Variants in CLVS1 observed in about 807,000 individuals in gnomAD.
CLVS1 encodes clavesin-1.
A neutral mutation model predicts 33.1 loss-of-function variants in CLVS1; 10 were observed. That is an observed-to-expected ratio of 0.30 (90% CI 0.19 to 0.51). The LOEUF is 0.51. Among genes scored for constraint, CLVS1 ranks in the 20% least tolerant of loss-of-function variants. The probability of loss-of-function intolerance (pLI) is 0.97; values close to 1 mark genes in which losing one functional copy is unlikely to be tolerated. For synonymous variants in CLVS1, 163 were observed against 166.1 expected (o/e 0.98, Z 0.14); for missense variants, 343 against 433.4 (o/e 0.79, Z 1.85).
intron 3 of CLVS1, among the ~76,000 whole-genome samples, chr8:61,384,733 T>C (rs1814015881): frequency 6.6e-6 from 1 of 152,154 alleles, no homozygotes; most frequent in African/African-American, 2.4e-5. Flanking sequence ...GATGGATCCA[T>C]AGATTTGGTG....
chr8:61,297,434 T>C (rs1271851435), intron 1 of CLVS1, among the ~76,000 whole-genome samples: 1 of 152,166 alleles, frequency 6.6e-6, no homozygotes, highest in Non-Finnish European at 1.5e-5. Context: ...AGTGATTGCC[T>C]GATAGTGGGC....
the CLVS1 span, among the ~76,000 whole-genome samples, chr8:60,967,249 T>TA: frequency 6.6e-6 from 1 of 151,802 alleles, no homozygotes; most frequent in Non-Finnish European, 1.5e-5. Context: ...GATTGGAACT[T>TA]ACATATGAAA....
chr8:61,193,383 G>A (rs923560955), intron 2 of CLVS1, among the ~76,000 whole-genome samples: 1 of 152,026 alleles, frequency 6.6e-6, no homozygotes, highest in Non-Finnish European at 1.5e-5. Context: ...GGCGGGGAGA[G>A]GGGGAGGGAT....
the CLVS1 span, among the ~76,000 whole-genome samples, chr8:61,003,037 T>C: frequency 6.6e-6 from 1 of 151,230 alleles, no homozygotes; most frequent in Non-Finnish European, 1.5e-5. Context: ...TCTCTGCAGC[T>C]CAGAGGTACA....
chr8:61,200,466 C>T (rs1314332482), intron 2 of CLVS1, among the ~76,000 whole-genome samples: 1 of 152,240 alleles, frequency 6.6e-6, no homozygotes, highest in African/African-American at 2.4e-5. Context: ...GTTCCATATG[C>T]AGGTGGTATC....
At chr8:61,124,154 C>A (rs1192334437) in intron 1 of CLVS1, among the ~76,000 whole-genome samples, 1 of 152,162 alleles carries the variant, frequency 6.6e-6, no homozygotes, top group East Asian at 1.9e-4. Flanking sequence ...GATCACTGTT[C>A]CTGTGTGATT....
upstream of CLVS1, among the ~76,000 whole-genome samples, chr8:61,285,473 C>A (rs560397650): frequency 9.9e-5 from 15 of 152,204 alleles, no homozygotes; most frequent in African/African-American, 3.1e-4. Flanking sequence ...CACATGGAAG[C>A]TGCCTACATA....
intron 3 of CLVS1, among the ~76,000 whole-genome samples, chr8:61,449,987 C>T (rs1050313071): frequency 3.3e-5 from 5 of 152,144 alleles, no homozygotes; most frequent in Non-Finnish European, 4.4e-5. Context: ...ACACTTGGGA[C>T]CTTCAGTTAC....
rs1818085840 is a variant in CLVS1, at chr8:61,479,279, TC to T, written c.978-20175del. ...ATACTTCTTGGAGGCTTTGTTCATT[TC>T]TTTTTTTATTCTTTTTTCTCTAAAC... is the stretch of plus-strand genomic sequence containing the variant. On this transcript the variant is annotated intron_variant, in intron 5 of 5. Coordinates refer to ENST00000325897, the MANE Select transcript of CLVS1 (RefSeq NM_173519.3). Among the ~76,000 whole-genome samples, 9 of 152,350 alleles carry T rather than the reference TC, an allele frequency of 5.9e-5. No homozygotes were observed. The South Asian group carries it at 1.9e-3, about 32-fold the overall frequency.
chr8:61,266,654 C>G (rs548910187), intron 2 of CLVS1, among the ~76,000 whole-genome samples: 2 of 151,996 alleles, frequency 1.3e-5, no homozygotes, highest in Non-Finnish European at 2.9e-5. Flanking sequence ...TTTGCATAAC[C>G]CTTGAGATGA....
chr8:61,387,241 G>GC (rs543992363), intron 3 of CLVS1, among the ~76,000 whole-genome samples: 139 of 152,140 alleles, frequency 9.1e-4, no homozygotes, highest in Admixed American at 1.6e-3. Flanking sequence ...ACAAAAATTA[G>GC]CCGGTCATGA....
intron 5 of CLVS1, among the ~76,000 whole-genome samples, chr8:61,468,439 A>G (rs1437222590): frequency 6.6e-6 from 1 of 152,230 alleles, no homozygotes; most frequent in Admixed American, 6.5e-5. Flanking sequence ...AAAAAGCTGC[A>G]TCGCCAAACA....
rs562944117 is a variant in CLVS1 at position 61,498,476 on chromosome 8, G to A, written c.978-979G>A. On this transcript the variant is annotated intron_variant, in intron 5 of 5. Coordinates refer to ENST00000325897, the MANE Select transcript of CLVS1 (RefSeq NM_173519.3). The stretch of plus-strand genomic sequence containing the variant: ...AATTTAACCATTTTCATGATAATTT[G>A]TTTTTAGTTGTGAACATTTATTAAA... Among the ~76,000 whole-genome samples the A allele has an allele frequency of 5.5e-4, 84 of 152,264 alleles. 1 individual carries two copies. In the Middle Eastern group the frequency reaches 0.027, roughly 50 times the overall value.
chr8:61,034,359 A>G, the CLVS1 span, among the ~76,000 whole-genome samples: 1 of 118,916 alleles, frequency 8.4e-6, no homozygotes, highest in Non-Finnish European at 1.9e-5. Flanking sequence ...CCATCACCTC[A>G]AATACTTATC....
chr8:61,401,478 C>A (rs890422195), intron 3 of CLVS1, among the ~76,000 whole-genome samples: 13 of 151,898 alleles, frequency 8.6e-5, no homozygotes, highest in African/African-American at 3.1e-4. Flanking sequence ...TCACCACCAC[C>A]TTATTTTAAA....
intron 2 of CLVS1, among the ~76,000 whole-genome samples, chr8:61,303,152 A>T (rs1452660388): frequency 6.6e-6 from 1 of 152,200 alleles, no homozygotes; most frequent in Admixed American, 6.5e-5. Flanking sequence ...CCATCTGCTA[A>T]GACAGATGAG....
At chr8:61,122,089 C>A (rs906207717) in intron 1 of CLVS1, among the ~76,000 whole-genome samples, 1 of 152,214 alleles carries the variant, frequency 6.6e-6, no homozygotes, top group African/African-American at 2.4e-5. Context: ...CCAGAAGGAT[C>A]TAAAGCCACT....
chr8:61,037,224 C>G, the CLVS1 span, among the ~76,000 whole-genome samples: 84 of 152,276 alleles, frequency 5.5e-4, no homozygotes, highest in Non-Finnish European at 4.1e-4. Context: ...CTAAAGTCCA[C>G]TTACATTTTT....
chr8:61,477,751 T>A (rs1586031320), intron 5 of CLVS1, among the ~76,000 whole-genome samples: 1 of 152,210 alleles, frequency 6.6e-6, no homozygotes, highest in East Asian at 1.9e-4. Flanking sequence ...AAAAACCAGC[T>A]CCTGGATTCA....
Sources: gnomAD v4.1 joint callset for allele counts (sites outside exome capture counted in the v4.1 genomes callset) on GRCh38, gnomAD v4.1.1 for gene constraint, MANE v1.5 for transcripts, NCBI Gene and HGNC (gene_info 2026-07-23, HGNC 2026-07-21) for gene names.